Variants in NRG3 observed in about 807,000 individuals in gnomAD.
The protein encoded by NRG3 is pro-neuregulin-3, membrane-bound isoform.
In NRG3, 31 loss-of-function variants were observed where a neutral mutation model predicts 66.9. The ratio of observed to expected loss-of-function variants is 0.46; its 90% CI spans 0.35 to 0.63. The LOEUF is 0.63. Among genes scored for constraint, NRG3 ranks in the 20% least tolerant of loss-of-function variants. The pLI, the probability that NRG3 is intolerant of heterozygous loss-of-function variation, is 0.00. For synonymous variants in NRG3, 393 were observed against 359.4 expected (o/e 1.09, Z -1.06); for missense variants, 910 against 878.9 (o/e 1.04, Z -0.45).
intron 1 of NRG3, among the ~76,000 whole-genome samples, chr10:82,350,247 C>G (rs1294254588): frequency 6.6e-6 from 1 of 152,236 alleles, no homozygotes; most frequent in Non-Finnish European, 1.5e-5. Flanking sequence ...GTTACCTTAT[C>G]ATTCTGAAGT....
intron 1 of NRG3, chr10:81,877,621 A>G (rs878930659): frequency 5.5e-6 from 6 of 1,100,470 alleles, no homozygotes; most frequent in Non-Finnish European, 3.4e-6. Context: ...CAGGAGAGGG[A>G]AAGGGGGAAA....
At chr10:82,550,329 G>A (rs1016909985) in intron 2 of NRG3, among the ~76,000 whole-genome samples, 1 of 152,164 alleles carries the variant, frequency 6.6e-6, no homozygotes, top group Non-Finnish European at 1.5e-5. Context: ...GAGAAAACAT[G>A]TTCAGCAAGG....
chr10:82,647,439 A>G (rs939771770), intron 2 of NRG3, among the ~76,000 whole-genome samples: 9 of 152,264 alleles, frequency 5.9e-5, no homozygotes, highest in Non-Finnish European at 1.2e-4. Flanking sequence ...AGTCTTTGCT[A>G]TTGTGAATAG....
chr10:82,026,886 A>C (rs926529837), intron 1 of NRG3, among the ~76,000 whole-genome samples: 1 of 151,998 alleles, frequency 6.6e-6, no homozygotes, highest in Non-Finnish European at 1.5e-5. Flanking sequence ...CCAAGCAGAA[A>C]GGTGAAAGTC....
intron 2 of NRG3, among the ~76,000 whole-genome samples, chr10:82,462,531 C>T (rs1405992985): frequency 6.6e-6 from 1 of 151,998 alleles, no homozygotes; most frequent in Non-Finnish European, 1.5e-5. Context: ...TTGTTTGGGG[C>T]AGGAGCATCA....
At chr10:81,986,851 A>T (rs2060539556) in intron 1 of NRG3, among the ~76,000 whole-genome samples, 1 of 151,852 alleles carries the variant, frequency 6.6e-6, no homozygotes, top group African/African-American at 2.4e-5. Flanking sequence ...ATTTTATTTT[A>T]TTTTATAATT....
chr10:82,423,005 G>C (rs1426199873), intron 2 of NRG3, among the ~76,000 whole-genome samples: 1 of 151,898 alleles, frequency 6.6e-6, no homozygotes, highest in Non-Finnish European at 1.5e-5. Flanking sequence ...GCAACATTTA[G>C]TGCCAAGCTA....
chr10:82,822,380 G>A (rs1769182537), intron 3 of NRG3, among the ~76,000 whole-genome samples: 1 of 152,074 alleles, frequency 6.6e-6, no homozygotes, highest in Admixed American at 6.5e-5. Flanking sequence ...CTGAGCAGCA[G>A]CCCAGCAGGG....
At chr10:82,016,918 T>C (rs1402860136) in intron 1 of NRG3, among the ~76,000 whole-genome samples, 1 of 152,138 alleles carries the variant, frequency 6.6e-6, no homozygotes, top group South Asian at 2.1e-4. Context: ...GGAATTTAAT[T>C]CTCAATAATT....
At chr10:82,713,897 A>G (rs957686893) in intron 2 of NRG3, among the ~76,000 whole-genome samples, 4 of 152,102 alleles carry the variant, frequency 2.6e-5, no homozygotes, top group Admixed American at 2.6e-4. Flanking sequence ...AACAGTAGTC[A>G]TTTCAACTCT....
intron 1 of NRG3, among the ~76,000 whole-genome samples, chr10:81,892,205 AGT>A (rs1336250785): frequency 6.6e-6 from 1 of 152,044 alleles, no homozygotes; most frequent in East Asian, 1.9e-4. Flanking sequence ...GCTATTGCCA[AGT>A]GTGTGTGTCT....
intron 2 of NRG3, among the ~76,000 whole-genome samples, chr10:82,506,572 C>T (rs1844701486): frequency 6.6e-6 from 1 of 151,978 alleles, no homozygotes; most frequent in Non-Finnish European, 1.5e-5. Flanking sequence ...TCCCTCTTTT[C>T]CTGCCTACCT....
intron 1 of NRG3, chr10:81,877,982 A>G (rs1188393888): frequency 1.6e-5 from 25 of 1,537,616 alleles, no homozygotes; most frequent in Non-Finnish European, 2.1e-5. Context: ...TATACCTCCA[A>G]CCCTTGTATG....
chr10:82,932,264 A>C (rs1320940682), intron 4 of NRG3, among the ~76,000 whole-genome samples: 3 of 152,216 alleles, frequency 2.0e-5, no homozygotes, highest in African/African-American at 7.2e-5. Flanking sequence ...TACACACCAT[A>C]GTTCACATTA....
chr10:82,245,979 T>TTTTTTTTTG, intron 1 of NRG3, among the ~76,000 whole-genome samples: 1 of 55,138 alleles, frequency 1.8e-5, no homozygotes, highest in Non-Finnish European at 3.0e-5. Flanking sequence ...AGTCTTCTGG[T>TTTTTTTTTG]TTTTTTTTTT....
rs146529928 is a variant in NRG3 at position 81,973,333 on chromosome 10, A to G, written c.823+97170A>G. ...ACTGATGGACATTTAGACAGATTCCATGTTTTGCTATTGTGAATAGTGCTG... is the reference window on the plus strand; with the variant it reads ...ACTGATGGACATTTAGACAGATTCCGTGTTTTGCTATTGTGAATAGTGCTG... On this transcript the variant is annotated intron_variant, in intron 1 of 8. Coordinates refer to ENST00000372141, the MANE Select transcript of NRG3 (RefSeq NM_001010848.4). Among the ~76,000 whole-genome samples the G allele has an allele frequency of 4.4e-3, 673 of 152,238 alleles. 1 individual carries two copies. Among genetic ancestry groups the G allele is most frequent in the Middle Eastern group, 0.01 (3 of 292 alleles).
intron 1 of NRG3, among the ~76,000 whole-genome samples, chr10:82,103,307 A>G (rs1198187720): frequency 2.0e-5 from 3 of 152,120 alleles, no homozygotes; most frequent in Non-Finnish European, 4.4e-5. Flanking sequence ...TATTCTTTGT[A>G]TAGAATTGGT....
intron 2 of NRG3, among the ~76,000 whole-genome samples, chr10:82,682,911 C>A (rs1448634309): frequency 6.6e-6 from 1 of 151,330 alleles, no homozygotes; most frequent in Non-Finnish European, 1.5e-5. Flanking sequence ...ACACCCTCTC[C>A]CAAACAGATT....
At chr10:82,670,488 A>G (rs921425523) in intron 2 of NRG3, among the ~76,000 whole-genome samples, 1 of 152,188 alleles carries the variant, frequency 6.6e-6, no homozygotes, top group Non-Finnish European at 1.5e-5. Context: ...ATGAACAAGT[A>G]TGGTTGTAGA....
Sources: gnomAD v4.1 joint callset for allele counts (sites outside exome capture counted in the v4.1 genomes callset) on GRCh38, gnomAD v4.1.1 for gene constraint, MANE v1.5 for transcripts, NCBI Gene and HGNC (gene_info 2026-07-23, HGNC 2026-07-21) for gene names.